Variants in DYM observed in about 807,000 individuals in gnomAD.
The protein encoded by DYM is dyggve-Melchior-Clausen syndrome protein.
DYM carries 78 observed loss-of-function variants against 93.1 expected under a neutral mutation model. The observed-to-expected ratio is 0.84, with a 90% CI of 0.70 to 1.01. DYM has a LOEUF of 1.01. DYM is among the 50% of genes least tolerant of loss of function. DYM has a pLI of 0.00. For synonymous variants in DYM, 321 were observed against 319.7 expected, an observed-to-expected ratio of 1.00 and a Z score of -0.04; for missense variants, 789 against 845.0, an observed-to-expected ratio of 0.93 and a Z score of 0.82.
chr18:49,423,865 A>G (rs1449010089), intron 2 of DYM, among the ~76,000 whole-genome samples: 1 of 152,208 alleles, frequency 6.6e-6, no homozygotes, highest in African/African-American at 2.4e-5. Context: ...TGAATCCCTG[A>G]ATATACCAAT....
At chr18:49,393,030 G>A (rs1418207286) in intron 2 of DYM, among the ~76,000 whole-genome samples, 1 of 110,954 alleles carries the variant, frequency 9.0e-6, no homozygotes, top group Non-Finnish European at 1.9e-5. Flanking sequence ...GAGGAAGAAG[G>A]AGGAGGAGGA....
intron 17 of DYM, among the ~76,000 whole-genome samples, chr18:49,069,514 G>A (rs187608713): frequency 1.3e-5 from 2 of 152,292 alleles, no homozygotes; most frequent in Non-Finnish European, 2.9e-5. Context: ...TTCATGAGTA[G>A]CATGTAAAAG....
In DYM at chr18:49,253,877, T is replaced by C. The variant is rs572500734; in HGVS notation, c.1460+3133A>G. 3.9e-5 allele frequency among the ~76,000 whole-genome samples: 6 copies of C among 152,328 alleles called. No individual in the cohort carries two copies. The South Asian group carries it at 1.2e-3, about 32-fold the overall frequency. ...AAAGACCTTCTTTTCTCTCCATTCC[T>C]TTCGATTATTCTAAACTGTGAGTCC... is the stretch of plus-strand genomic sequence containing the variant. On this transcript the variant is annotated intron_variant, in intron 13 of 17. Transcript: ENST00000675505.
intron 13 of DYM, among the ~76,000 whole-genome samples, chr18:49,220,997 A>G (rs1327924326): frequency 1.3e-5 from 2 of 152,248 alleles, no homozygotes; most frequent in Non-Finnish European, 2.9e-5. Flanking sequence ...AATTTTCGCA[A>G]CCTACTCATC....
chr18:49,124,065 T>A (rs899367689), intron 15 of DYM, among the ~76,000 whole-genome samples: 6 of 152,176 alleles, frequency 3.9e-5, no homozygotes, highest in Admixed American at 3.3e-4. Context: ...TTCAAACACA[T>A]TGAGAGTTTG....
At chr18:49,141,924 G>A (rs1011323648) in intron 15 of DYM, among the ~76,000 whole-genome samples, 9 of 152,038 alleles carry the variant, frequency 5.9e-5, no homozygotes, top group Non-Finnish European at 1.0e-4. Flanking sequence ...CGCAATCTCC[G>A]CTCACTGCAA....
intron 8 of DYM, among the ~76,000 whole-genome samples, chr18:49,289,070 T>A (rs774731681): frequency 1.3e-5 from 2 of 152,062 alleles, no homozygotes; most frequent in South Asian, 2.1e-4. Context: ...AGAAATTAGG[T>A]CAGCACAGAG....
At chr18:49,362,630 C>A (rs553521319) in intron 6 of DYM, among the ~76,000 whole-genome samples, 2 of 152,108 alleles carry the variant, frequency 1.3e-5, no homozygotes, top group African/African-American at 2.4e-5. Flanking sequence ...CTGTTAAGAT[C>A]AAAAAGATGT....
At chr18:49,440,871 T>TTTATATA (rs1568450623) in intron 1 of DYM, among the ~76,000 whole-genome samples, 3 of 10 alleles carry the variant, frequency 0.3, no homozygotes, top group African/African-American at 0.5. Flanking sequence ...ATATTATATA[T>TTTATATA]AATATATATT....
At chr18:49,314,600 T>C (rs144671766) in intron 8 of DYM, among the ~76,000 whole-genome samples, 48 of 152,378 alleles carry the variant, frequency 3.2e-4, no homozygotes, top group African/African-American at 1.1e-3. Flanking sequence ...CACACTGCCT[T>C]CTTTCATAAT....
chr18:49,124,508 C>A (rs1245801977), intron 15 of DYM, among the ~76,000 whole-genome samples: 33 of 131,752 alleles, frequency 2.5e-4, no homozygotes, highest in African/African-American at 3.1e-4. Flanking sequence ...GACCCTGTCT[C>A]AAAAAAAAAA....
intron 17 of DYM, among the ~76,000 whole-genome samples, chr18:49,060,938 A>G (rs891345470): frequency 6.6e-6 from 1 of 151,948 alleles, no homozygotes; most frequent in African/African-American, 2.4e-5. Flanking sequence ...AAAGATTTGA[A>G]CCATCCCTTT....
chr18:49,300,462 T>C (rs1364884242), intron 8 of DYM, among the ~76,000 whole-genome samples: 2 of 151,946 alleles, frequency 1.3e-5, no homozygotes, highest in Non-Finnish European at 2.9e-5. Context: ...TAGCCAGGCA[T>C]GGTGGCGCAT....
intron 3 of DYM, among the ~76,000 whole-genome samples, chr18:49,384,307 G>C (rs778020238): frequency 1.2e-4 from 15 of 122,186 alleles, no homozygotes; most frequent in Non-Finnish European, 2.3e-4. Context: ...GAGCGACAGA[G>C]TGAGACCATG....
chr18:49,236,483 A>AAAAT (rs1480690594), intron 13 of DYM, among the ~76,000 whole-genome samples: 3 of 140,112 alleles, frequency 2.1e-5, no homozygotes, highest in African/African-American at 8.7e-5. Context: ...CTGTCTCAAA[A>AAAAT]AAAAAAATAA....
intron 14 of DYM, among the ~76,000 whole-genome samples, chr18:49,170,726 C>A (rs1032839862): frequency 8.0e-6 from 1 of 124,774 alleles, no homozygotes; most frequent in African/African-American, 3.0e-5. Context: ...TTGCAGTGAG[C>A]TGAGATTCTC....
intron 2 of DYM, among the ~76,000 whole-genome samples, chr18:49,394,086 T>C (rs2069736160): frequency 6.6e-6 from 1 of 152,198 alleles, no homozygotes; most frequent in South Asian, 2.1e-4. Context: ...AATGTGAATA[T>C]ACTTAATGCC....
intron 3 of DYM, among the ~76,000 whole-genome samples, chr18:49,384,515 A>G (rs1013367077): frequency 6.6e-6 from 1 of 150,550 alleles, no homozygotes; most frequent in Non-Finnish European, 1.5e-5. Flanking sequence ...AATCCCAACT[A>G]TTTGGGAGGC....
intron 13 of DYM, among the ~76,000 whole-genome samples, chr18:49,222,457 AAAGC>A: frequency 6.6e-6 from 1 of 152,256 alleles, no homozygotes; most frequent in South Asian, 2.1e-4. Context: ...TGTTGGCCTA[AAAGC>A]AAGGAAGGAA....
Sources: gnomAD v4.1 joint callset for allele counts (sites outside exome capture counted in the v4.1 genomes callset) on GRCh38, gnomAD v4.1.1 for gene constraint, MANE v1.5 for transcripts, NCBI Gene and HGNC (gene_info 2026-07-23, HGNC 2026-07-21) for gene names.